Variants in FHIP1A observed in about 807,000 individuals in gnomAD.
FHIP1A encodes FHF complex subunit HOOK interacting protein 1A.
In FHIP1A, 61 loss-of-function variants were observed where a neutral mutation model predicts 88.6. The observed-to-expected ratio is 0.69, with a 90% CI of 0.56 to 0.85. The LOEUF (loss-of-function observed/expected upper bound fraction) is 0.85. FHIP1A is among the 40% of genes least tolerant of loss of function. The probability of loss-of-function intolerance (pLI) is 0.00; values close to 1 mark genes in which losing one functional copy is unlikely to be tolerated. For synonymous variants in FHIP1A, 478 were observed against 496.0 expected (o/e 0.96, Z 0.48); for missense variants, 1,154 against 1,273.5 (o/e 0.91, Z 1.43).
chr4:151,463,314 A>G (rs572677621), intron 2 of FHIP1A, among the ~76,000 whole-genome samples: 66 of 152,286 alleles, frequency 4.3e-4, no homozygotes, highest in African/African-American at 1.5e-3. Flanking sequence ...AGAAGGTGGC[A>G]TTGGGGAGGG....
At chr4:151,450,690 G>T (rs901648805) in intron 1 of FHIP1A, among the ~76,000 whole-genome samples, 1 of 152,048 alleles carries the variant, frequency 6.6e-6, no homozygotes, top group Non-Finnish European at 1.5e-5. Flanking sequence ...TTCTCTTTAC[G>T]CACACCTTCA....
At chr4:151,660,813 T>C (rs1370026145) in intron 13 of FHIP1A, among the ~76,000 whole-genome samples, 1 of 152,200 alleles carries the variant, frequency 6.6e-6, no homozygotes, top group East Asian at 1.9e-4. Context: ...GCAACTGTAC[T>C]GATGAGGATG....
At chr4:151,633,491 A>G (rs533394375) in intron 8 of FHIP1A, among the ~76,000 whole-genome samples, 12 of 152,062 alleles carry the variant, frequency 7.9e-5, no homozygotes, top group African/African-American at 2.4e-4. Flanking sequence ...CCAAAACTAG[A>G]CAAAGATACT....
intron 2 of FHIP1A, among the ~76,000 whole-genome samples, chr4:151,458,547 G>A (rs1472621185): frequency 6.6e-6 from 1 of 151,822 alleles, no homozygotes; most frequent in Non-Finnish European, 1.5e-5. Context: ...ATATAGGAGG[G>A]GAAAATCAGA....
At chr4:151,480,666 A>G (rs1216522702) in intron 2 of FHIP1A, among the ~76,000 whole-genome samples, 1 of 152,100 alleles carries the variant, frequency 6.6e-6, no homozygotes, top group Non-Finnish European at 1.5e-5. Flanking sequence ...TTAATTGATT[A>G]GACTGAAGAA....
chr4:151,516,833 A>G (rs1216564145), intron 3 of FHIP1A, among the ~76,000 whole-genome samples: 1 of 151,384 alleles, frequency 6.6e-6, no homozygotes, highest in Non-Finnish European at 1.5e-5. Context: ...GAGAAATAGG[A>G]ACACTTTTCC....
At position 151,649,736 on chromosome 4, in the gene FHIP1A, G is replaced by A; in HGVS notation, c.1695G>A (p.Gln565=). The change falls in exon 11 of 14, where the codon CAG becomes CAA. Residue 565 remains glutamine, a synonymous_variant. Coordinates refer to ENST00000435205, the MANE Select transcript of FHIP1A (RefSeq NM_001109977.3). ...AACTCCCCAGGAAGACAGGACCTCA[G>A]CTGGCTCCCAGAAAGGACAAGAGCC... The part of the protein sequence containing the change: ...PQQLPRKTGP[Q]LAPRKDKSQT... 1 of 1,551,668 alleles carries A rather than the reference G, an allele frequency of 6.4e-7. No individual in the cohort carries two copies. The highest frequency in any genetic ancestry group is 8.7e-7 in the Non-Finnish European group (1 of 1,146,980).
chr4:151,661,731 C>T (rs1055412876), intron 13 of FHIP1A, among the ~76,000 whole-genome samples: 5 of 152,096 alleles, frequency 3.3e-5, no homozygotes, highest in African/African-American at 1.2e-4. Context: ...AAATGCAAAT[C>T]ACTTGGATAT....
chr4:151,499,531 CAT>C (rs1730575378), intron 3 of FHIP1A, among the ~76,000 whole-genome samples: 2 of 152,196 alleles, frequency 1.3e-5, no homozygotes, highest in African/African-American at 4.8e-5. Flanking sequence ...GTGAAATAAG[CAT>C]AGTTACACAC....
chr4:151,645,977 G>A (rs1383692156), intron 9 of FHIP1A, among the ~76,000 whole-genome samples: 1 of 152,120 alleles, frequency 6.6e-6, no homozygotes, highest in African/African-American at 2.4e-5. Flanking sequence ...ATAAGAAAAG[G>A]TTTACACTAT....
chr4:151,582,796 G>T (rs1734073862), intron 5 of FHIP1A, among the ~76,000 whole-genome samples: 1 of 152,110 alleles, frequency 6.6e-6, no homozygotes. Flanking sequence ...TCAATGAAAG[G>T]CTAAAATAGT....
chr4:151,496,264 TTTTC>T (rs1730458617), intron 3 of FHIP1A, among the ~76,000 whole-genome samples: 1 of 150,070 alleles, frequency 6.7e-6, no homozygotes, highest in African/African-American at 2.4e-5. Flanking sequence ...TATATATATT[TTTTC>T]TTTCTTTCTG....
At chr4:151,507,767 A>G (rs1230853030) in intron 3 of FHIP1A, among the ~76,000 whole-genome samples, 1 of 152,230 alleles carries the variant, frequency 6.6e-6, no homozygotes, top group Non-Finnish European at 1.5e-5. Flanking sequence ...AAACACGTTG[A>G]GAACCACAGT....
At chr4:151,483,219 G>A (rs1296418253) in intron 3 of FHIP1A, among the ~76,000 whole-genome samples, 1 of 151,832 alleles carries the variant, frequency 6.6e-6, no homozygotes, top group African/African-American at 2.4e-5. Context: ...TGTTAGTATT[G>A]TAGAAGAGTT....
At position 151,591,429 on chromosome 4, in the gene FHIP1A, AT is replaced by A. The variant is rs997252199; in HGVS notation, c.978+2511del. On this transcript the variant is annotated intron_variant, in intron 7 of 13. Coordinates refer to ENST00000435205, the MANE Select transcript of FHIP1A (RefSeq NM_001109977.3). ...TGTCCACTGCCTTGACATGAGCATT[AT>A]TTTTTTTAATTCTTTATTTATTTTT... Among the ~76,000 whole-genome samples, 128 of 151,418 alleles carry A rather than the reference AT, an allele frequency of 8.5e-4. 1 individual carries two copies. The highest frequency in any genetic ancestry group is 9.0e-4 in the African/African-American group (37 of 41,212).
At chr4:151,558,695 C>T (rs1192112219) in intron 3 of FHIP1A, among the ~76,000 whole-genome samples, 2 of 152,146 alleles carry the variant, frequency 1.3e-5, no homozygotes, top group Non-Finnish European at 2.9e-5. Context: ...TTTCGTTGTT[C>T]CTTAAAAAGA....
chr4:151,577,387 G>A (rs1257720499), intron 4 of FHIP1A, 63 bp from the exon 5 acceptor site: 1 of 1,435,470 alleles, frequency 7.0e-7, no homozygotes, highest in Non-Finnish European at 9.3e-7. Flanking sequence ...AAAATCAGTG[G>A]TGATATGTTT....
At chr4:151,428,029 G>A (rs1339001743) in intron 1 of FHIP1A, among the ~76,000 whole-genome samples, 1 of 152,112 alleles carries the variant, frequency 6.6e-6, no homozygotes, top group Non-Finnish European at 1.5e-5. Flanking sequence ...AATCAAGATA[G>A]TGGTTTGTAT....
chr4:151,640,661 GA>G lies in FHIP1A; in HGVS notation c.1226+1909del, dbSNP rs374880386. 3.9e-5 allele frequency among the ~76,000 whole-genome samples: 6 copies of G among 152,286 alleles called. No homozygotes were observed. In the South Asian group the frequency reaches 6.2e-4, roughly 16 times the overall value. On this transcript the variant is annotated intron_variant, in intron 9 of 13. Coordinates refer to ENST00000435205, the MANE Select transcript of FHIP1A (RefSeq NM_001109977.3). The stretch of plus-strand genomic sequence containing the variant: ...TTAAATACTGCTTCTTTGATGGTAG[GA>G]AAACCAGCTGTCTTTTTCAGTGTAC...
Sources: allele counts gnomAD v4.1 joint callset (sites outside exome capture counted in the v4.1 genomes callset), GRCh38; gene constraint gnomAD v4.1.1; transcripts MANE v1.5; gene names NCBI Gene and HGNC (gene_info 2026-07-23, HGNC 2026-07-21).